Variants in SP1 observed in about 807,000 individuals in gnomAD.
The protein encoded by SP1 is Sp1 transcription factor.
Under a neutral mutation model 66.3 loss-of-function variants are expected in SP1, and 6 were observed. The observed-to-expected ratio is 0.09, with a 90% CI of 0.05 to 0.18. The LOEUF (loss-of-function observed/expected upper bound fraction) is 0.18. Ranked by LOEUF, SP1 falls within the 10% of genes least tolerant of loss-of-function variation. The probability of loss-of-function intolerance (pLI) is 1.00; values close to 1 mark genes in which losing one functional copy is unlikely to be tolerated. For missense variants in SP1, 848 were observed against 964.5 expected, an observed-to-expected ratio of 0.88 and a Z score of 1.60; for synonymous variants, 417 against 360.8, an observed-to-expected ratio of 1.16 and a Z score of -1.77.
chr12:53,387,192 C>T (rs1271197752), intron 3 of SP1, among the ~76,000 whole-genome samples: 1 of 152,078 alleles, frequency 6.6e-6, no homozygotes, highest in East Asian at 1.9e-4. Flanking sequence ...ACCTCGTGAT[C>T]CGCCCGCCTT....
intron 3 of SP1, among the ~76,000 whole-genome samples, chr12:53,398,981 T>G (rs1048052822): frequency 5.3e-5 from 8 of 152,198 alleles, no homozygotes; most frequent in Non-Finnish European, 1.2e-4. Context: ...TATAGTTTTG[T>G]CAATATGCTC....
chr12:53,391,156 A>G (rs898239594), intron 3 of SP1, among the ~76,000 whole-genome samples: 1 of 152,114 alleles, frequency 6.6e-6, no homozygotes, highest in Non-Finnish European at 1.5e-5. Context: ...CATATTTCTT[A>G]CAGAAAGTGT....
At chr12:53,399,833 G>C (rs1938569871) in intron 3 of SP1, among the ~76,000 whole-genome samples, 1 of 149,630 alleles carries the variant, frequency 6.7e-6, no homozygotes, top group Admixed American at 6.7e-5. Flanking sequence ...GTTTTTCCGT[G>C]TTGGTCAGGG....
At chr12:53,385,253 C>A (rs1938199652) in intron 3 of SP1, among the ~76,000 whole-genome samples, 1 of 151,506 alleles carries the variant, frequency 6.6e-6, no homozygotes, top group African/African-American at 2.4e-5. Flanking sequence ...GAGATCACAT[C>A]ACTGCACTCC....
chr12:53,406,197 A>T (rs555775552), intron 3 of SP1, among the ~76,000 whole-genome samples: 1 of 151,104 alleles, frequency 6.6e-6, no homozygotes, highest in African/African-American at 2.4e-5. Context: ...CAGCCTTCCA[A>T]GGAGCTGGGA....
At chr12:53,380,615 T>C in intron 1 of SP1, 1 of 1,004,652 alleles carries the variant, frequency 1.0e-6, no homozygotes, top group Non-Finnish European at 1.2e-6. Flanking sequence ...CGCCGGGGGC[T>C]GGAGCCGCGG....
intron 3 of SP1, among the ~76,000 whole-genome samples, chr12:53,392,135 C>T (rs1938368036): frequency 6.6e-6 from 1 of 152,104 alleles, no homozygotes; most frequent in Non-Finnish European, 1.5e-5. Flanking sequence ...ATGAATCCTC[C>T]TTCTCACCTA....
intron 3 of SP1, among the ~76,000 whole-genome samples, chr12:53,390,696 C>T (rs1273359658): frequency 6.6e-6 from 1 of 151,928 alleles, no homozygotes; most frequent in African/African-American, 2.4e-5. Flanking sequence ...AAAAAAAAAT[C>T]TAAGTGCTTT....
chr12:53,390,539 C>T (rs1459634577), intron 3 of SP1, among the ~76,000 whole-genome samples: 2 of 152,042 alleles, frequency 1.3e-5, no homozygotes, highest in South Asian at 2.1e-4. Flanking sequence ...AAAAATCAGC[C>T]GGGCATGGCG....
intron 3 of SP1, among the ~76,000 whole-genome samples, chr12:53,385,991 T>C (rs10876449): frequency 0.18 from 27,677 of 152,020 alleles, 2,625 homozygotes; most frequent in African/African-American, 0.21. Flanking sequence ...TCTTGTGAAC[T>C]GTAACTCCTA....
rs1276535021 is a variant in SP1, at chr12:53,415,813, G to T, written c.*4573G>T. 6.6e-6 allele frequency: 1 copy of T among 152,548 alleles called. No homozygotes were observed. The highest frequency in any genetic ancestry group is 1.5e-5 in the Non-Finnish European group (1 of 68,042). The allele number at this position is 152,548 out of a possible 1,614,324, so 9.4% of individuals were successfully genotyped here. On this transcript the variant is annotated 3_prime_UTR_variant, in exon 6 of 6. Coordinates refer to ENST00000327443, the MANE Select transcript of SP1 (RefSeq NM_138473.3). ...GTCTACCCAGTGCTCCAGTTTCCCG[G>T]TAACTGCTCTTGAACATTGTGGACA...
rs1938880158 is a variant in SP1 at position 53,411,352 on chromosome 12, T to G, written c.*112T>G. ...GAGAGCCATGAAGCATTAAAATGCA[T>G]GGTGTTGAGAAGAATCAGGAGAGGG... On this transcript the variant is annotated 3_prime_UTR_variant, in exon 6 of 6. Transcript: ENST00000327443. 5 of 855,072 alleles carry G rather than the reference T, an allele frequency of 5.8e-6. No individual in the cohort carries two copies. The highest frequency in any genetic ancestry group is 1.7e-5 in the African/African-American group (1 of 59,162). The allele number at this position is 855,072 out of a possible 1,614,324, so 53.0% of individuals were successfully genotyped here.
chr12:53,403,108 G>T (rs374456724), intron 3 of SP1, among the ~76,000 whole-genome samples: 1 of 151,870 alleles, frequency 6.6e-6, no homozygotes. Context: ...AGATTCTACT[G>T]CACTCCCACT....
rs538792304 is a variant in SP1, at chr12:53,400,318, TCATC to T, written c.1676-6263_1676-6260del. Among the ~76,000 whole-genome samples, 480 of 152,366 alleles carry T rather than the reference TCATC, an allele frequency of 3.2e-3. 2 individuals carry two copies. The highest frequency in any genetic ancestry group is 0.011 in the African/African-American group (454 of 41,588). ...TCAATTAGCATAATATTTCCAAGGT[TCATC>T]CATGTTGTAGCATGTGTTAGTACTC... is the stretch of plus-strand genomic sequence containing the variant. On this transcript the variant is annotated intron_variant, in intron 3 of 5. Transcript: ENST00000327443.
At position 53,380,188 on chromosome 12, in the gene SP1, C is replaced by G; in HGVS notation, c.-104C>G. 1.3e-6 allele frequency: 1 copy of G among 797,994 alleles called. No homozygotes were observed. Among genetic ancestry groups the G allele is most frequent in the Non-Finnish European group, 2.2e-6 (1 of 459,558 alleles). The allele number at this position is 797,994 out of a possible 1,614,324, so 49.4% of individuals were successfully genotyped here. On this transcript the variant is annotated 5_prime_UTR_variant, in exon 1 of 6. Transcript: ENST00000327443. ...CTCCCTCCTCCTTACCCCCCCCTCCCTGTCCGGTCCGGGTTCGCTTGCCTC... is the reference window on the plus strand; with the variant it reads ...CTCCCTCCTCCTTACCCCCCCCTCCGTGTCCGGTCCGGGTTCGCTTGCCTC...
At chr12:53,402,410 G>T (rs1938626140) in intron 3 of SP1, among the ~76,000 whole-genome samples, 1 of 151,776 alleles carries the variant, frequency 6.6e-6, no homozygotes, top group Non-Finnish European at 1.5e-5. Context: ...TTTTAGTAGA[G>T]AAGGGGTTTC....
chr12:53,406,673 C>T lies in SP1; in HGVS notation c.1764C>T (p.Ser588=). The T allele has an allele frequency of 6.2e-7, 1 of 1,614,026 alleles. No homozygotes were observed. The highest frequency in any genetic ancestry group is 1.1e-5 in the South Asian group (1 of 91,074). The change falls in exon 4 of 6, where the codon AGC becomes AGT. Residue 588 remains serine, a synonymous_variant. Transcript: ENST00000327443. ...CAGGTGGAGAGGAAGGAGAAAACAGCCCAGATGCCCAACCCCAAGCCGGTC... is the reference window on the plus strand; with the variant it reads ...CAGGTGGAGAGGAAGGAGAAAACAGTCCAGATGCCCAACCCCAAGCCGGTC... ...DTAGGEEGEN[S]PDAQPQAGRR...
At chr12:53,402,406 T>A (rs1938626060) in intron 3 of SP1, among the ~76,000 whole-genome samples, 1 of 151,804 alleles carries the variant, frequency 6.6e-6, no homozygotes, top group Non-Finnish European at 1.5e-5. Flanking sequence ...GTATTTTTAG[T>A]AGAGAAGGGG....
intron 3 of SP1, among the ~76,000 whole-genome samples, chr12:53,383,953 A>G (rs574470963): frequency 1.3e-5 from 2 of 149,944 alleles, no homozygotes; most frequent in South Asian, 4.2e-4. Context: ...TGTGGGCCTC[A>G]TGTGGTCACA....
Sources: gnomAD v4.1 joint callset for allele counts (sites outside exome capture counted in the v4.1 genomes callset) on GRCh38, gnomAD v4.1.1 for gene constraint, MANE v1.5 for transcripts, NCBI Gene and HGNC (gene_info 2026-07-23, HGNC 2026-07-21) for gene names.